Variants in FLACC1 observed in about 807,000 individuals in gnomAD.
The protein encoded by FLACC1 is flagellum associated containing coiled-coil domains 1, also known as flagellum-associated coiled-coil domain-containing protein 1.
Under a neutral mutation model 62.8 loss-of-function variants are expected in FLACC1, and 66 were observed. The ratio of observed to expected loss-of-function variants is 1.05; its 90% CI spans 0.86 to 1.29. FLACC1 has a LOEUF of 1.29. FLACC1 is among the 50% of genes most tolerant of loss of function. The pLI, the probability that FLACC1 is intolerant of heterozygous loss-of-function variation, is 0.00. For synonymous variants in FLACC1, 156 were observed against 161.0 expected, an observed-to-expected ratio of 0.97 and a Z score of 0.24; for missense variants, 452 against 489.1, an observed-to-expected ratio of 0.92 and a Z score of 0.71.
chr2:201,359,919 T>C (rs932695047), upstream of FLACC1, among the ~76,000 whole-genome samples: 9 of 149,364 alleles, frequency 6.0e-5, no homozygotes, highest in Non-Finnish European at 8.9e-5. Context: ...TAAAATTTTA[T>C]ATTTAAATCC....
chr2:201,295,958 T>A (rs1260558658), intron 12 of FLACC1, among the ~76,000 whole-genome samples: 2 of 152,036 alleles, frequency 1.3e-5, no homozygotes, highest in African/African-American at 2.4e-5. Context: ...CAAACCACAA[T>A]GAGATACCAT....
chr2:201,289,341 C>T, intron 14 of FLACC1, 116 bp downstream of exon 14: 3 of 933,090 alleles, frequency 3.2e-6, no homozygotes, highest in Non-Finnish European at 3.3e-6. Flanking sequence ...CCGAAAACAC[C>T]TGTGCCTTGA....
At chr2:201,310,406 C>T (rs567175856) in intron 9 of FLACC1, among the ~76,000 whole-genome samples, 7 of 152,208 alleles carry the variant, frequency 4.6e-5, no homozygotes, top group African/African-American at 1.7e-4. Flanking sequence ...TAGGGGTTTC[C>T]TGGGACTCTG....
chr2:201,309,312 C>T, intron 9 of FLACC1, 62 bp from the exon 10 acceptor site: 1 of 1,278,392 alleles, frequency 7.8e-7, no homozygotes, highest in Non-Finnish European at 1.1e-6. Flanking sequence ...CCTGGAGAGG[C>T]TGTAAAACTC....
chr2:201,343,188 A>T (rs1245368996), intron 6 of FLACC1, among the ~76,000 whole-genome samples: 1 of 152,184 alleles, frequency 6.6e-6, no homozygotes, highest in Non-Finnish European at 1.5e-5. Context: ...GCATCTTCAC[A>T]AGTGGCAGTA....
At chr2:201,323,787 A>G (rs1353433759) in intron 9 of FLACC1, among the ~76,000 whole-genome samples, 1 of 136,830 alleles carries the variant, frequency 7.3e-6, no homozygotes, top group Non-Finnish European at 1.6e-5. Context: ...ACTCTATCAA[A>G]AAAAAAAAAA....
intron 12 of FLACC1, among the ~76,000 whole-genome samples, chr2:201,297,549 A>G (rs896355727): frequency 2.0e-5 from 3 of 152,168 alleles, no homozygotes; most frequent in African/African-American, 7.2e-5. Flanking sequence ...GCAAGGAGAG[A>G]ATGATCAATC....
rs56291487 is a variant in FLACC1 at position 201,321,081 on chromosome 2, C to T, written c.675+9389G>A. Among the ~76,000 whole-genome samples, 1,325 of 152,280 alleles carry T rather than the reference C, an allele frequency of 8.7e-3. 17 individuals carry two copies. The highest frequency in any genetic ancestry group is 0.03 in the African/African-American group (1,242 of 41,546). Reference sequence around the variant, plus strand: ...GTTCATTACTACTAAAACCAGTGTTCGAGAAAGCCAACACACTAAGGCTAT... The same window carrying T: ...GTTCATTACTACTAAAACCAGTGTTTGAGAAAGCCAACACACTAAGGCTAT... On this transcript the variant is annotated intron_variant, in intron 9 of 14. Coordinates refer to ENST00000392257, the MANE Select transcript of FLACC1 (RefSeq NM_001127391.3).
intron 9 of FLACC1, among the ~76,000 whole-genome samples, chr2:201,321,844 CT>C (rs996665830): frequency 6.3e-4 from 96 of 152,294 alleles, no homozygotes; most frequent in African/African-American, 2.3e-3. Flanking sequence ...CCAGCCACCT[CT>C]GTCAAGGCTG....
chr2:201,332,157 G>A (rs894063428), intron 7 of FLACC1, among the ~76,000 whole-genome samples: 3 of 151,744 alleles, frequency 2.0e-5, no homozygotes, highest in Non-Finnish European at 4.4e-5. Context: ...TATATTTATG[G>A]GGTAAAAAGT....
chr2:201,328,494 C>T lies in FLACC1; in HGVS notation c.675+1976G>A, dbSNP rs985904354. Among the ~76,000 whole-genome samples the T allele has an allele frequency of 4.6e-5, 7 of 152,252 alleles. No homozygotes were observed. In the South Asian group the frequency reaches 1.5e-3, roughly 32 times the overall value. On this transcript the variant is annotated intron_variant, in intron 9 of 14. Transcript: ENST00000392257. Reference sequence around the variant, plus strand: ...AGGCTAGAGTGCAGTGGCACGATCTCGGCTCACTGCAACCTCTGCCTCCCA... The same window carrying T: ...AGGCTAGAGTGCAGTGGCACGATCTTGGCTCACTGCAACCTCTGCCTCCCA...
chr2:201,301,933 A>G (rs1166950141), intron 11 of FLACC1, among the ~76,000 whole-genome samples: 2 of 152,242 alleles, frequency 1.3e-5, no homozygotes, highest in Non-Finnish European at 2.9e-5. Flanking sequence ...CTCCTGAAGG[A>G]AGCACTAAAC....
chr2:201,347,017 A>G (rs1361633889), intron 4 of FLACC1, among the ~76,000 whole-genome samples: 1 of 152,224 alleles, frequency 6.6e-6, no homozygotes, highest in Non-Finnish European at 1.5e-5. Flanking sequence ...AGGCCTGAGT[A>G]AATCTTGGCT....
chr2:201,288,753 TTTC>T lies in FLACC1; in HGVS notation c.1168_1170del (p.Glu390del), dbSNP rs778130669. Reference sequence around the variant, plus strand: ...AATCTCCCAGAACATCCTTCACAAATTTCTTCATTCTTAGAAATTATCTTTTGC... The same window carrying T: ...AATCTCCCAGAACATCCTTCACAAATTTCATTCTTAGAAATTATCTTTTGC... On this transcript the variant is annotated inframe_deletion, in exon 15 of 15. Coordinates refer to ENST00000392257, the MANE Select transcript of FLACC1 (RefSeq NM_001127391.3). 1 of 1,613,900 alleles carries T rather than the reference TTTC, an allele frequency of 6.2e-7. No homozygotes were observed. The highest frequency in any genetic ancestry group is 8.5e-7 in the Non-Finnish European group (1 of 1,179,994).
chr2:201,301,721 A>G (rs1456505641), intron 11 of FLACC1, among the ~76,000 whole-genome samples: 1 of 152,274 alleles, frequency 6.6e-6, no homozygotes, highest in East Asian at 1.9e-4. Flanking sequence ...CATCAGACTA[A>G]CAGTGGATCT....
intron 11 of FLACC1, among the ~76,000 whole-genome samples, chr2:201,300,684 A>G (rs1189612877): frequency 6.6e-6 from 1 of 150,938 alleles, no homozygotes; most frequent in Non-Finnish European, 1.5e-5. Context: ...AGTAGGGGCC[A>G]ACTGACAACT....
At chr2:201,336,138 C>G (rs926010942) in intron 7 of FLACC1, among the ~76,000 whole-genome samples, 2 of 151,986 alleles carry the variant, frequency 1.3e-5, no homozygotes, top group African/African-American at 4.8e-5. Context: ...ATAGGTTGTT[C>G]TTGAACCCTC....
At chr2:201,297,510 G>T (rs1293125085) in intron 12 of FLACC1, among the ~76,000 whole-genome samples, 3 of 152,180 alleles carry the variant, frequency 2.0e-5, no homozygotes, top group African/African-American at 7.2e-5. Flanking sequence ...AACACCAGAA[G>T]CCCATGAAAG....
At chr2:201,296,110 C>T (rs1199696603) in intron 12 of FLACC1, among the ~76,000 whole-genome samples, 4 of 152,120 alleles carry the variant, frequency 2.6e-5, no homozygotes, top group African/African-American at 9.7e-5. Context: ...GTGGCGATTC[C>T]TCAGGGATCT....
Sources: allele counts gnomAD v4.1 joint callset (sites outside exome capture counted in the v4.1 genomes callset), GRCh38; gene constraint gnomAD v4.1.1; transcripts MANE v1.5; gene names NCBI Gene and HGNC (gene_info 2026-07-23, HGNC 2026-07-21).